Variants in METTL8 observed in about 807,000 individuals in gnomAD.
METTL8 encodes the protein methyltransferase 8, tRNA N3-cytidine, also known as tRNA N(3)-cytidine methyltransferase METTL8, mitochondrial.
Under a neutral mutation model 48.7 loss-of-function variants are expected in METTL8, and 32 were observed. That is an observed-to-expected ratio of 0.66 (90% CI 0.50 to 0.88). The LOEUF (loss-of-function observed/expected upper bound fraction) is 0.88. Among genes scored for constraint, METTL8 ranks in the 40% least tolerant of loss-of-function variants. The pLI is 0.00. For synonymous variants in METTL8, 136 were observed against 157.1 expected (o/e 0.87, Z 1.01); for missense variants, 464 against 474.4 (o/e 0.98, Z 0.20).
At chr2:171,389,514 CAAAAAAAA>C (rs56087323) in intron 2 of METTL8, among the ~76,000 whole-genome samples, 3 of 52,028 alleles carry the variant, frequency 5.8e-5, no homozygotes, top group East Asian at 5.8e-4. Context: ...CCCTGTCTCA[CAAAAAAAA>C]AAAAAAAAAA....
intron 3 of METTL8, among the ~76,000 whole-genome samples, chr2:171,348,579 C>T (rs959932250): frequency 2.0e-5 from 3 of 151,944 alleles, no homozygotes; most frequent in African/African-American, 7.3e-5. Flanking sequence ...GTATTAGAAG[C>T]CAGAATAGTG....
chr2:171,326,215 C>G (rs1182249774), intron 7 of METTL8, 67 bp from the exon 8 acceptor site: 2 of 842,128 alleles, frequency 2.4e-6, no homozygotes, highest in African/African-American at 1.8e-5. Context: ...CTGGATTTAA[C>G]TTTGTTGAAG....
In METTL8 at chr2:171,428,540, C is replaced by T. The variant is rs147488453; in HGVS notation, c.-13+5343G>A. 3.0e-3 allele frequency among the ~76,000 whole-genome samples: 451 copies of T among 151,666 alleles called. 4 individuals carry two copies. The highest frequency in any genetic ancestry group is 0.01 in the African/African-American group (432 of 41,344). Reference sequence around the variant, plus strand: ...CTGTTGATAATAGATTCTATACAAACATATTGTTTTTTATAGCCCATTCAT... The same window carrying T: ...CTGTTGATAATAGATTCTATACAAATATATTGTTTTTTATAGCCCATTCAT... On this transcript the variant is annotated intron_variant, in intron 1 of 9. Coordinates refer to ENST00000375258, the MANE Select transcript of METTL8 (RefSeq NM_001321154.2).
At chr2:171,407,412 G>GTT (rs573935551) in intron 1 of METTL8, among the ~76,000 whole-genome samples, 1 of 149,782 alleles carries the variant, frequency 6.7e-6, no homozygotes, top group Non-Finnish European at 1.5e-5. Flanking sequence ...GGCCTTCTAA[G>GTT]TTTTTTTTTT....
chr2:171,402,830 C>T (rs1209603675), intron 1 of METTL8, among the ~76,000 whole-genome samples: 1 of 151,990 alleles, frequency 6.6e-6, no homozygotes, highest in Non-Finnish European at 1.5e-5. Context: ...AGGAAGTGCA[C>T]ACACATACAC....
chr2:171,316,566 G>A lies in METTL8; in HGVS notation c.*7606C>T, dbSNP rs1684274236. On this transcript the variant is annotated 3_prime_UTR_variant, in exon 10 of 10. Transcript: ENST00000375258. ...TCTATTAAGAAACAAAGCTGCAAAT[G>A]AAGAGACATCTCAGAGAGTGGTGGA... Among the ~76,000 whole-genome samples the A allele has an allele frequency of 6.6e-6, 1 of 152,160 alleles. No homozygotes were observed. Among genetic ancestry groups the A allele is most frequent in the African/African-American group, 2.4e-5 (1 of 41,422 alleles).
chr2:171,337,864 A>G (rs1440003915), intron 4 of METTL8, among the ~76,000 whole-genome samples: 1 of 152,124 alleles, frequency 6.6e-6, no homozygotes, highest in Non-Finnish European at 1.5e-5. Context: ...AAATGATTCT[A>G]AACATTTGAA....
Position 171,360,496 on chromosome 2 carries a change from G to A in METTL8, c.161C>T (p.Ser54Phe). ...TCTGGCTGCTGCTTCTTCTTCCTTA[G>A]ACCACTGCATGTGATCCCTATTAAA... Reference protein sequence around the residue: ...EHNMWDHMQWSKEEEAAARKK... With the variant: ...EHNMWDHMQWFKEEEAAARKK... The change falls in exon 3 of 10, where the codon TCT becomes TTT. Residue 54 changes from serine to phenylalanine, a missense_variant. Coordinates refer to ENST00000375258, the MANE Select transcript of METTL8 (RefSeq NM_001321154.2). 1.2e-6 allele frequency: 2 copies of A among 1,613,386 alleles called. No homozygotes were observed. The highest frequency in any genetic ancestry group is 1.7e-6 in the Non-Finnish European group (2 of 1,179,902).
intron 3 of METTL8, among the ~76,000 whole-genome samples, chr2:171,342,077 A>C (rs563920098): frequency 1.8e-4 from 28 of 152,370 alleles, no homozygotes; most frequent in African/African-American, 6.3e-4. Flanking sequence ...AATTTTAAAG[A>C]AGCCCCTACT....
chr2:171,325,880 C>T lies in METTL8; in HGVS notation c.994G>A (p.Val332Ile). 6.2e-7 allele frequency: 1 copy of T among 1,601,640 alleles called. No homozygotes were observed. The highest frequency in any genetic ancestry group is 8.5e-7 in the Non-Finnish European group (1 of 1,172,194). Residue 332 changes from valine to isoleucine, a missense_variant, in exon 9 of 10, where the codon GTT (valine) becomes ATT (isoleucine). Val to Ile is a conservative substitution (Grantham distance 29, BLOSUM62 3). Coordinates refer to ENST00000375258, the MANE Select transcript of METTL8 (RefSeq NM_001321154.2). Reference protein sequence around the residue: ...KGHCLSENFYVRGDGTRAYFF... With the variant: ...KGHCLSENFYIRGDGTRAYFF... ...TATGCTCTGGTACCATCTCCTCGAA[C>T]ATAAAAATTTTCAGATAAACAATGT...
At chr2:171,399,002 C>T (rs1230003703) in intron 1 of METTL8, among the ~76,000 whole-genome samples, 1 of 152,038 alleles carries the variant, frequency 6.6e-6, no homozygotes, top group Non-Finnish European at 1.5e-5. Context: ...AATCTGAAAA[C>T]GTGGTCCTGA....
chr2:171,409,931 A>G (rs1690579992), intron 1 of METTL8, among the ~76,000 whole-genome samples: 1 of 152,184 alleles, frequency 6.6e-6, no homozygotes, highest in Admixed American at 6.5e-5. Context: ...TCACATGTGG[A>G]ATTTCGACCT....
intron 1 of METTL8, among the ~76,000 whole-genome samples, chr2:171,398,962 TTTCA>T (rs1689382533): frequency 6.6e-6 from 1 of 152,154 alleles, no homozygotes; most frequent in Admixed American, 6.5e-5. Context: ...TGATAAGGTG[TTTCA>T]GTTTTTTAAA....
intron 2 of METTL8, among the ~76,000 whole-genome samples, chr2:171,367,389 G>A (rs1685836924): frequency 6.6e-6 from 1 of 152,170 alleles, no homozygotes; most frequent in Admixed American, 6.6e-5. Flanking sequence ...GTCAGCATAG[G>A]GGGATGGGAG....
At chr2:171,390,122 A>G (rs1688452337) in intron 2 of METTL8, among the ~76,000 whole-genome samples, 1 of 152,164 alleles carries the variant, frequency 6.6e-6, no homozygotes, top group Admixed American at 6.5e-5. Flanking sequence ...TACTCTGCCT[A>G]TACTCTATAA....
intron 1 of METTL8, among the ~76,000 whole-genome samples, chr2:171,410,936 T>C (rs1690689089): frequency 6.6e-6 from 1 of 152,356 alleles, no homozygotes; most frequent in African/African-American, 2.4e-5. Flanking sequence ...TCCTTAAATG[T>C]TACTCTTTTC....
intron 5 of METTL8, chr2:171,332,531 G>A (rs140280889): frequency 6.6e-6 from 1 of 152,402 alleles, no homozygotes; most frequent in Admixed American, 6.5e-5. Flanking sequence ...CAGTAATGAT[G>A]GCTGGACCAT....
chr2:171,378,617 C>T (rs1239229711), intron 2 of METTL8, among the ~76,000 whole-genome samples: 1 of 151,214 alleles, frequency 6.6e-6, no homozygotes, highest in African/African-American at 2.4e-5. Flanking sequence ...GGTGACAGAG[C>T]GAGACTCCAT....
intron 3 of METTL8, among the ~76,000 whole-genome samples, chr2:171,340,817 T>G (rs1686671387): frequency 1.3e-5 from 2 of 152,190 alleles, no homozygotes; most frequent in Non-Finnish European, 2.9e-5. Flanking sequence ...CTCCTGACTT[T>G]TGGAATCTGG....
Sources: gnomAD v4.1 joint callset for allele counts (sites outside exome capture counted in the v4.1 genomes callset) on GRCh38, gnomAD v4.1.1 for gene constraint, MANE v1.5 for transcripts, NCBI Gene and HGNC (gene_info 2026-07-23, HGNC 2026-07-21) for gene names.